Variants in METTL24 observed in about 807,000 individuals in gnomAD.
METTL24 encodes probable methyltransferase-like protein 24.
In METTL24, 29 loss-of-function variants were observed where a neutral mutation model predicts 32.7. The observed-to-expected ratio is 0.89, with a 90% CI of 0.66 to 1.21. The LOEUF (loss-of-function observed/expected upper bound fraction) is 1.21. METTL24 is among the 50% of genes most tolerant of loss of function. The pLI is 0.00. For synonymous variants in METTL24, 163 were observed against 179.5 expected, an observed-to-expected ratio of 0.91 and a Z score of 0.73; for missense variants, 439 against 468.1, an observed-to-expected ratio of 0.94 and a Z score of 0.57.
chr6:110,303,859 C>T (rs1175214031), intron 3 of METTL24, among the ~76,000 whole-genome samples: 1 of 152,238 alleles, frequency 6.6e-6, no homozygotes, highest in Non-Finnish European at 1.5e-5. Context: ...GACCCCCATG[C>T]CTCCTGACGG....
intron 4 of METTL24, among the ~76,000 whole-genome samples, chr6:110,256,924 A>G (rs1317804443): frequency 1.3e-5 from 2 of 152,098 alleles, no homozygotes; most frequent in Non-Finnish European, 2.9e-5. Context: ...CTTCTTGTGG[A>G]ACACCAGGAA....
At chr6:110,264,045 C>T (rs369160529) in intron 4 of METTL24, among the ~76,000 whole-genome samples, 1 of 152,036 alleles carries the variant, frequency 6.6e-6, no homozygotes, top group Non-Finnish European at 1.5e-5. Flanking sequence ...CAATACCATT[C>T]AGGACATAGG....
chr6:110,337,117 T>C (rs1270909610), intron 1 of METTL24, among the ~76,000 whole-genome samples: 1 of 152,200 alleles, frequency 6.6e-6, no homozygotes, highest in Non-Finnish European at 1.5e-5. Flanking sequence ...TCATATCTTT[T>C]GCAGGAACAT....
Position 110,302,422 on chromosome 6 carries a change from T to TATACACACACATATGTGTATATATACAC in METTL24, c.558-3300_558-3273dup, listed in dbSNP as rs1172550453. On this transcript the variant is annotated intron_variant, in intron 3 of 4. Transcript: ENST00000338882. ...AACAATATTGAGGTATATATACACA[T>TATACACACACATATGTGTATATATACAC]ATACACACACATATGTGTATATATA... Among the ~76,000 whole-genome samples, 381 of 147,182 alleles carry TATACACACACATATGTGTATATATACAC rather than the reference T, an allele frequency of 2.6e-3. 2 individuals are homozygous for TATACACACACATATGTGTATATATACAC. Among genetic ancestry groups the TATACACACACATATGTGTATATATACAC allele is most frequent in the East Asian group, 0.014 (65 of 4,750 alleles).
At position 110,298,943 on chromosome 6, in the gene METTL24, C is replaced by A. The variant is rs1464324360; in HGVS notation, c.765G>T (p.Leu255Phe). Reference sequence around the variant, plus strand: ...TCACCTTGTGATGTCCAAATTCATTCAAAATGCTTCCCAGTTTTCTGGTGT... The same window carrying A: ...TCACCTTGTGATGTCCAAATTCATTAAAAATGCTTCCCAGTTTTCTGGTGT... ...HSNTRKLGSILNEFGHHKIDV... is the reference protein window; with the variant it reads ...HSNTRKLGSIFNEFGHHKIDV... Residue 255 changes from leucine to phenylalanine, a missense_variant, in exon 4 of 5, where the codon TTG (leucine) becomes TTT (phenylalanine). Leu to Phe is a conservative substitution (Grantham distance 22). Transcript: ENST00000338882. The A allele has an allele frequency of 6.2e-7, 1 of 1,614,092 alleles. No individual in the cohort carries two copies. The highest frequency in any genetic ancestry group is 1.3e-5 in the African/African-American group (1 of 75,012).
intron 4 of METTL24, among the ~76,000 whole-genome samples, chr6:110,297,061 G>C (rs1006117538): frequency 9.9e-5 from 15 of 152,070 alleles, no homozygotes; most frequent in South Asian, 2.1e-4. Context: ...TCTTCAACAA[G>C]GAATTAAAAC....
At chr6:110,319,459 A>AGATAGATAGATAGATG (rs1345101899) in intron 2 of METTL24, among the ~76,000 whole-genome samples, 1 of 149,652 alleles carries the variant, frequency 6.7e-6, no homozygotes, top group Non-Finnish European at 1.5e-5. Context: ...ATAGATAGAT[A>AGATAGATAGATAGATG]GATGACAGAC....
At chr6:110,295,785 G>GAAAAGAAAGA (rs372380343) in intron 4 of METTL24, among the ~76,000 whole-genome samples, 121 of 144,798 alleles carry the variant, frequency 8.4e-4, no homozygotes, top group Middle Eastern at 3.5e-3. Context: ...GGAAAGAAAA[G>GAAAAGAAAGA]AAAGAAAGAA....
chr6:110,284,383 T>A (rs1370353651), intron 4 of METTL24, among the ~76,000 whole-genome samples: 1 of 152,172 alleles, frequency 6.6e-6, no homozygotes, highest in Non-Finnish European at 1.5e-5. Context: ...TCAATTAAAA[T>A]TTTTAAAAAT....
intron 4 of METTL24, among the ~76,000 whole-genome samples, chr6:110,262,328 A>G (rs1770751648): frequency 6.6e-6 from 1 of 152,252 alleles, no homozygotes; most frequent in South Asian, 2.1e-4. Context: ...ATCAGAGAAT[A>G]CTATAAACAC....
At chr6:110,303,217 A>G (rs1028651887) in intron 3 of METTL24, among the ~76,000 whole-genome samples, 1 of 152,096 alleles carries the variant, frequency 6.6e-6, no homozygotes, top group African/African-American at 2.4e-5. Flanking sequence ...CCTGGGTTTC[A>G]AGCACAAAAT....
At chr6:110,264,909 G>A (rs965552775) in intron 4 of METTL24, among the ~76,000 whole-genome samples, 22 of 152,096 alleles carry the variant, frequency 1.4e-4, no homozygotes, top group African/African-American at 5.3e-4. Context: ...ACTCATAGGT[G>A]GGAATTGAAC....
At chr6:110,251,062 G>A (rs1778268796) in intron 4 of METTL24, among the ~76,000 whole-genome samples, 1 of 152,200 alleles carries the variant, frequency 6.6e-6, no homozygotes, top group Non-Finnish European at 1.5e-5. Context: ...CTAGCTCTGG[G>A]AGTCACAAAC....
At position 110,243,991 on chromosome 6, in the gene METTL24, T is replaced by C. The variant is rs1778098511; in HGVS notation, c.*1955A>G. Among the ~76,000 whole-genome samples the C allele has an allele frequency of 6.6e-6, 1 of 152,176 alleles. No individual in the cohort carries two copies. The highest frequency in any genetic ancestry group is 1.5e-5 in the Non-Finnish European group (1 of 68,036). On this transcript the variant is annotated 3_prime_UTR_variant, in exon 5 of 5. Coordinates refer to ENST00000338882, the MANE Select transcript of METTL24 (RefSeq NM_001123364.3). ...AGAATTTTAGAAAATTATGCACGTG[T>C]TTAATCCTGTAAATAGTAATGAGAG...
At chr6:110,321,282 C>T (rs1420401600) in intron 2 of METTL24, among the ~76,000 whole-genome samples, 1 of 152,092 alleles carries the variant, frequency 6.6e-6, no homozygotes, top group East Asian at 1.9e-4. Flanking sequence ...CCTCTCAGCC[C>T]ATAGTTTCTG....
At chr6:110,350,767 T>TAAAATAAAATAAAATAAA (rs1772582180) in intron 1 of METTL24, among the ~76,000 whole-genome samples, 21 of 44,294 alleles carry the variant, frequency 4.7e-4, no homozygotes, top group Non-Finnish European at 1.2e-3. Flanking sequence ...CTCAACAAAA[T>TAAAATAAAATAAAATAAA]AAAATAAAAT....
intron 4 of METTL24, among the ~76,000 whole-genome samples, chr6:110,256,887 T>G (rs1382497922): frequency 6.6e-6 from 1 of 152,196 alleles, no homozygotes; most frequent in Non-Finnish European, 1.5e-5. Context: ...CCTTTTTGTG[T>G]GCCCGTTTCT....
intron 1 of METTL24, among the ~76,000 whole-genome samples, chr6:110,329,347 C>T (rs1399895340): frequency 6.6e-6 from 1 of 152,060 alleles, no homozygotes; most frequent in Non-Finnish European, 1.5e-5. Context: ...GATGTGTTGA[C>T]GATGGAGAAG....
At chr6:110,307,179 T>C (rs189480218) in intron 3 of METTL24, among the ~76,000 whole-genome samples, 1 of 152,326 alleles carries the variant, frequency 6.6e-6, no homozygotes, top group East Asian at 1.9e-4. Context: ...CAAATATTTA[T>C]AGAGCATTTT....
Sources: gnomAD v4.1 joint callset for allele counts (sites outside exome capture counted in the v4.1 genomes callset) on GRCh38, gnomAD v4.1.1 for gene constraint, MANE v1.5 for transcripts, NCBI Gene and HGNC (gene_info 2026-07-23, HGNC 2026-07-21) for gene names.